Variants in DLG2 observed in about 807,000 individuals in gnomAD.
The protein encoded by DLG2 is discs large MAGUK scaffold protein 2, also known as disks large homolog 2.
DLG2 carries 45 observed loss-of-function variants against 132.5 expected under a neutral mutation model. The observed-to-expected ratio is 0.34, with a 90% CI of 0.27 to 0.44. DLG2 has a LOEUF of 0.44. DLG2 is among the 20% of genes least tolerant of loss of function. The probability of loss-of-function intolerance (pLI) is 1.00; values close to 1 mark genes in which losing one functional copy is unlikely to be tolerated. For synonymous variants in DLG2, 424 were observed against 419.6 expected (o/e 1.01, Z -0.13); for missense variants, 1,045 against 1,196.9 (o/e 0.87, Z 1.87).
intron 7 of DLG2, among the ~76,000 whole-genome samples, chr11:84,340,206 T>A (rs1482949328): frequency 6.6e-6 from 1 of 152,230 alleles, no homozygotes; most frequent in African/African-American, 2.4e-5. Context: ...GCCAATAATC[T>A]AAAATTGCTT....
intron 3 of DLG2, among the ~76,000 whole-genome samples, chr11:85,319,230 T>TA (rs944654264): frequency 2.0e-5 from 3 of 151,606 alleles, no homozygotes; most frequent in South Asian, 2.1e-4. Flanking sequence ...TTAGAAACAA[T>TA]AAAAAAAATT....
chr11:85,472,807 A>G (rs955315988), intron 3 of DLG2, among the ~76,000 whole-genome samples: 5 of 152,236 alleles, frequency 3.3e-5, no homozygotes, highest in African/African-American at 1.2e-4. Flanking sequence ...AGGCCAGCCC[A>G]GAAGCCACAG....
intron 6 of DLG2, among the ~76,000 whole-genome samples, chr11:84,769,821 TATTC>T: frequency 6.6e-6 from 1 of 152,320 alleles, no homozygotes. Flanking sequence ...ACTGGGTGCC[TATTC>T]CTAAAGAAAA....
intron 6 of DLG2, among the ~76,000 whole-genome samples, chr11:85,007,697 A>G (rs1320674730): frequency 6.7e-6 from 1 of 150,148 alleles, no homozygotes; most frequent in Non-Finnish European, 1.5e-5. Flanking sequence ...AAAAGAAAAG[A>G]AAAGAAAAAG....
intron 16 of DLG2, among the ~76,000 whole-genome samples, chr11:83,859,216 G>C (rs2061033178): frequency 6.6e-6 from 1 of 152,242 alleles, no homozygotes; most frequent in Non-Finnish European, 1.5e-5. Flanking sequence ...CGAAAATGTG[G>C]AAGTGACTTT....
downstream of DLG2, chr11:83,455,029 A>C (rs527460007): frequency 6.5e-5 from 10 of 152,796 alleles, no homozygotes; most frequent in South Asian, 1.7e-3. Flanking sequence ...TAAAGTATAA[A>C]ATGTTTTAAT....
intron 19 of DLG2, among the ~76,000 whole-genome samples, chr11:83,545,607 G>T (rs1448542630): frequency 2.0e-5 from 3 of 152,192 alleles, no homozygotes; most frequent in East Asian, 3.9e-4. Flanking sequence ...TGAAGTGGGG[G>T]TGGGACTATT....
chr11:85,587,514 G>A (rs183404015), intron 3 of DLG2, among the ~76,000 whole-genome samples: 1 of 152,188 alleles, frequency 6.6e-6, no homozygotes, highest in East Asian at 1.9e-4. Flanking sequence ...TATAAGAATA[G>A]CTACTCCTGC....
rs528549038 is a variant in DLG2 at position 85,472,849 on chromosome 11, G to A, written c.40+125808C>T. Reference sequence around the variant, plus strand: ...ATCGGGCGAAGGGACTGAATGAGCTGTAACACAAACTAACTGAAACCCACT... The same window carrying A: ...ATCGGGCGAAGGGACTGAATGAGCTATAACACAAACTAACTGAAACCCACT... On this transcript the variant is annotated intron_variant, in intron 3 of 27. Coordinates refer to ENST00000376104, the MANE Select transcript of DLG2 (RefSeq NM_001142699.3). 1.5e-4 allele frequency among the ~76,000 whole-genome samples: 23 copies of A among 152,338 alleles called. No individual in the cohort carries two copies. The South Asian group carries it at 4.8e-3, about 32-fold the overall frequency.
At chr11:85,080,827 G>T (rs919855842) in intron 6 of DLG2, among the ~76,000 whole-genome samples, 5 of 152,090 alleles carry the variant, frequency 3.3e-5, no homozygotes, top group Admixed American at 3.3e-4. Context: ...GGAAACCATA[G>T]AAGAATTCTG....
chr11:83,870,842 G>A (rs1479110644), intron 16 of DLG2, among the ~76,000 whole-genome samples: 2 of 152,170 alleles, frequency 1.3e-5, no homozygotes, highest in African/African-American at 4.8e-5. Context: ...CTGAGCTGTA[G>A]GCCCCTTCAC....
intron 7 of DLG2, among the ~76,000 whole-genome samples, chr11:84,345,142 G>A (rs983952247): frequency 6.6e-6 from 1 of 152,112 alleles, no homozygotes; most frequent in African/African-American, 2.4e-5. Context: ...TAAGAGAAAA[G>A]AAAGAAAAGA....
chr11:85,513,779 A>G (rs2094123371), intron 3 of DLG2, among the ~76,000 whole-genome samples: 1 of 151,910 alleles, frequency 6.6e-6, no homozygotes, highest in Non-Finnish European at 1.5e-5. Context: ...AAAAATAACA[A>G]CACCTATTTG....
At chr11:84,504,500 G>T (rs2099232580) in intron 7 of DLG2, among the ~76,000 whole-genome samples, 2 of 152,098 alleles carry the variant, frequency 1.3e-5, no homozygotes, top group South Asian at 4.1e-4. Context: ...ATTTATCAAA[G>T]ATACAATTTA....
At chr11:84,219,930 T>TA (rs35772868) in intron 8 of DLG2, among the ~76,000 whole-genome samples, 7,379 of 152,266 alleles carry the variant, frequency 0.048, 270 homozygotes, top group Non-Finnish European at 0.076. Context: ...CAATTTGCTT[T>TA]AAAAAACAAT....
chr11:85,506,729 A>G (rs2093943791), intron 3 of DLG2, among the ~76,000 whole-genome samples: 1 of 152,180 alleles, frequency 6.6e-6, no homozygotes, highest in Non-Finnish European at 1.5e-5. Flanking sequence ...GATGTCTATT[A>G]GGTCCGCTTG....
At chr11:85,078,558 A>G (rs1040326960) in intron 6 of DLG2, among the ~76,000 whole-genome samples, 102 of 152,028 alleles carry the variant, frequency 6.7e-4, no homozygotes, top group African/African-American at 2.3e-3. Context: ...CATTTTAGTG[A>G]GATGGAAACT....
chr11:85,626,127 T>C (rs949109554), intron 2 of DLG2, among the ~76,000 whole-genome samples: 2 of 152,266 alleles, frequency 1.3e-5, no homozygotes, highest in Non-Finnish European at 2.9e-5. Flanking sequence ...AATAAGTCTA[T>C]TTTTTAACCA....
chr11:85,140,561 A>ATT (rs796341642), intron 5 of DLG2, among the ~76,000 whole-genome samples: 3 of 145,864 alleles, frequency 2.1e-5, no homozygotes, highest in Admixed American at 6.8e-5. Flanking sequence ...TCAGGAACTT[A>ATT]TTTTTTTTTT....
Sources: allele counts gnomAD v4.1 joint callset (sites outside exome capture counted in the v4.1 genomes callset), GRCh38; gene constraint gnomAD v4.1.1; transcripts MANE v1.5; gene names NCBI Gene and HGNC (gene_info 2026-07-23, HGNC 2026-07-21).